The following ERC1 variants were observed in gnomAD, a reference collection of about 807,000 sequenced individuals.
ERC1 encodes RAB6 interacting protein 2.
In ERC1, 56 loss-of-function variants were observed where a neutral mutation model predicts 132.0. The ratio of observed to expected loss-of-function variants is 0.42; its 90% CI spans 0.34 to 0.53. ERC1 has a LOEUF of 0.53. ERC1 is among the 20% of genes least tolerant of loss of function. The pLI is 0.03. For missense variants in ERC1, 1,202 were observed against 1,349.9 expected (o/e 0.89, Z 1.72); for synonymous variants, 478 against 476.1 (o/e 1.00, Z -0.05).
chr12:1,343,671 C>T (rs1471296716), intron 15 of ERC1, among the ~76,000 whole-genome samples: 1 of 152,122 alleles, frequency 6.6e-6, no homozygotes, highest in Non-Finnish European at 1.5e-5. Context: ...TGTCTCACTT[C>T]TCACCCAAGT....
At chr12:1,377,682 T>C (rs948009244) in intron 16 of ERC1, among the ~76,000 whole-genome samples, 2 of 152,230 alleles carry the variant, frequency 1.3e-5, no homozygotes, top group Admixed American at 1.3e-4. Context: ...CACCTTTAAA[T>C]GGCTGTATAT....
At chr12:1,015,445 T>A (rs1432471534) in intron 1 of ERC1, among the ~76,000 whole-genome samples, 1 of 152,196 alleles carries the variant, frequency 6.6e-6, no homozygotes, top group Non-Finnish European at 1.5e-5. Context: ...AGTTGAGAGA[T>A]ACATAAATTT....
chr12:1,380,405 C>T (rs1208784375), intron 16 of ERC1: 1 of 152,268 alleles, frequency 6.6e-6, no homozygotes, highest in Non-Finnish European at 1.5e-5. Context: ...CTGTTTCCGT[C>T]TGCCATCTGT....
At chr12:1,410,912 A>T (rs2091807805) in intron 17 of ERC1, among the ~76,000 whole-genome samples, 1 of 139,492 alleles carries the variant, frequency 7.2e-6, no homozygotes, top group Admixed American at 6.9e-5. Context: ...CATGGTGTTT[A>T]AAAAAAAAAC....
At chr12:1,368,945 T>A (rs985157530) in intron 15 of ERC1, among the ~76,000 whole-genome samples, 9 of 152,092 alleles carry the variant, frequency 5.9e-5, no homozygotes, top group Non-Finnish European at 1.0e-4. Flanking sequence ...ACGTTGTAAA[T>A]GGAAAGCAGA....
intron 8 of ERC1, among the ~76,000 whole-genome samples, chr12:1,148,229 C>T (rs1950548102): frequency 6.6e-6 from 1 of 152,078 alleles, no homozygotes; most frequent in Admixed American, 6.6e-5. Context: ...AAAGATACTA[C>T]CTGAGACTAA....
intron 14 of ERC1, among the ~76,000 whole-genome samples, chr12:1,289,140 T>C (rs2154339742): frequency 6.8e-6 from 1 of 146,940 alleles, no homozygotes; most frequent in South Asian, 2.1e-4. Flanking sequence ...CATAACTATA[T>C]AGGTATATAG....
At chr12:1,063,059 T>G (rs2154176744) in intron 2 of ERC1, among the ~76,000 whole-genome samples, 1 of 152,250 alleles carries the variant, frequency 6.6e-6, no homozygotes, top group African/African-American at 2.4e-5. Flanking sequence ...TCTTTTTCCA[T>G]TCCTTCATTT....
At chr12:1,144,717 C>T (rs1309374729) in intron 8 of ERC1, among the ~76,000 whole-genome samples, 1 of 148,064 alleles carries the variant, frequency 6.8e-6, no homozygotes, top group Non-Finnish European at 1.5e-5. Context: ...TGGGCTGGTT[C>T]CATATTTTTT....
intron 6 of ERC1, 59 bp downstream of exon 6, chr12:1,112,357 G>T: frequency 8.1e-7 from 1 of 1,227,966 alleles, no homozygotes; most frequent in Non-Finnish European, 1.2e-6. Flanking sequence ...GACCCTGCTA[G>T]CTCTATGGCT....
chr12:1,315,425 A>G (rs2081614716), intron 15 of ERC1, among the ~76,000 whole-genome samples: 1 of 152,072 alleles, frequency 6.6e-6, no homozygotes, highest in South Asian at 2.1e-4. Flanking sequence ...ATCTTGGCTC[A>G]CTGCAACCTC....
intron 17 of ERC1, among the ~76,000 whole-genome samples, chr12:1,426,776 A>G (rs2092654498): frequency 6.6e-6 from 1 of 152,142 alleles, no homozygotes; most frequent in African/African-American, 2.4e-5. Context: ...TTGTCTTACC[A>G]TTCTGTCTTT....
intron 12 of ERC1, among the ~76,000 whole-genome samples, chr12:1,235,686 A>G (rs2075365826): frequency 6.6e-6 from 1 of 152,194 alleles, no homozygotes; most frequent in Admixed American, 6.5e-5. Context: ...AGTACCATGT[A>G]TTAATGGATG....
In ERC1 at chr12:1,223,701, A is replaced by G. The variant is rs558149082; in HGVS notation, c.2352-13068A>G. ...GTGGAGAGAGTTAAATCTTTTATTC[A>G]TCATTTCACTGTTTATTATAATAGT... On this transcript the variant is annotated intron_variant, in intron 12 of 18. Transcript: ENST00000360905. Among the ~76,000 whole-genome samples, 20 of 152,258 alleles carry G rather than the reference A, an allele frequency of 1.3e-4. No homozygotes were observed. The South Asian group carries it at 4.1e-3, about 32-fold the overall frequency.
At chr12:1,175,350 G>A (rs56099313) in intron 8 of ERC1, among the ~76,000 whole-genome samples, 15,853 of 151,938 alleles carry the variant, frequency 0.1, 1,193 homozygotes, top group African/African-American at 0.19. Flanking sequence ...CAAAATTAGA[G>A]TCAATCCTCT....
intron 15 of ERC1, among the ~76,000 whole-genome samples, chr12:1,316,008 C>T (rs1371103747): frequency 6.6e-6 from 1 of 152,064 alleles, no homozygotes; most frequent in Non-Finnish European, 1.5e-5. Flanking sequence ...CTGCCTCAGC[C>T]TCCCCCAGCA....
intron 12 of ERC1, among the ~76,000 whole-genome samples, chr12:1,225,488 ACACACG>A (rs2074507675): frequency 1.3e-5 from 2 of 151,740 alleles, no homozygotes; most frequent in African/African-American, 4.8e-5. Flanking sequence ...ACACACACAC[ACACACG>A]GAGTGGTTGA....
chr12:1,432,338 G>A (rs1180559145), intron 17 of ERC1, among the ~76,000 whole-genome samples: 4 of 152,226 alleles, frequency 2.6e-5, no homozygotes, highest in Admixed American at 2.0e-4. Context: ...TACGAAGAAG[G>A]CGGAGCTGAA....
intron 8 of ERC1, among the ~76,000 whole-genome samples, chr12:1,166,021 G>A (rs566906106): frequency 6.6e-6 from 1 of 152,136 alleles, no homozygotes; most frequent in South Asian, 2.1e-4. Flanking sequence ...TGAGACCTTC[G>A]ACTGTGAACT....
Sources: gnomAD v4.1 joint callset for allele counts (sites outside exome capture counted in the v4.1 genomes callset) on GRCh38, gnomAD v4.1.1 for gene constraint, MANE v1.5 for transcripts, NCBI Gene and HGNC (gene_info 2026-07-23, HGNC 2026-07-21) for gene names.